CPNE9: variants seen among roughly 807,000 people sequenced by gnomAD.
CPNE9 encodes the protein copine-9.
CPNE9 carries 59 observed loss-of-function variants against 83.0 expected under a neutral mutation model. The observed-to-expected ratio is 0.71, with a 90% CI of 0.58 to 0.88. The LOEUF (loss-of-function observed/expected upper bound fraction) is 0.88. Among genes scored for constraint, CPNE9 ranks in the 40% least tolerant of loss-of-function variants. The pLI is 0.00. For synonymous variants in CPNE9, 256 were observed against 273.4 expected, an observed-to-expected ratio of 0.94 and a Z score of 0.63; for missense variants, 619 against 720.8, an observed-to-expected ratio of 0.86 and a Z score of 1.62.
rs1455423613 is a variant in CPNE9 at position 9,727,157 on chromosome 3, G to GTTA, written c.1447_1448insTTA (p.Gly483delinsValArg). 1 of 1,614,082 alleles carries GTTA rather than the reference G, an allele frequency of 6.2e-7. No individual in the cohort carries two copies. The highest frequency in any genetic ancestry group is 8.5e-7 in the Non-Finnish European group (1 of 1,180,050). The stretch of plus-strand genomic sequence containing the variant: ...TGATGATGTGCGCGTGTCCTCTAGG[G>GTTA]GACGCTACGCAGAGCGGGACATCGT... On this transcript the variant is annotated protein_altering_variant, in exon 20 of 21. Transcript: ENST00000383832.
At chr3:9,719,632 A>G (rs900056931) in intron 17 of CPNE9, among the ~76,000 whole-genome samples, 1 of 152,240 alleles carries the variant, frequency 6.6e-6, no homozygotes, top group Admixed American at 6.5e-5. Context: ...TGTCTGGCCC[A>G]TGGTACATGC....
chr3:9,715,564 T>G, intron 13 of CPNE9, 38 bp downstream of exon 13: 20 of 1,522,662 alleles, frequency 1.3e-5, no homozygotes, highest in East Asian at 2.3e-5. Context: ...CCCTGGATCC[T>G]TCCGTGTCTG....
chr3:9,708,993 A>G (rs2076592438), intron 7 of CPNE9, among the ~76,000 whole-genome samples: 1 of 146,660 alleles, frequency 6.8e-6, no homozygotes, highest in African/African-American at 2.5e-5. Flanking sequence ...AAGATGTGTG[A>G]CCAGGGGCGG....
chr3:9,704,462 G>A lies in CPNE9; in HGVS notation c.69-125G>A, dbSNP rs1482782426. 2.4e-6 allele frequency: 2 copies of A among 846,968 alleles called. No homozygotes were observed. Among genetic ancestry groups the A allele is most frequent in the African/African-American group, 1.7e-5 (1 of 60,244 alleles). The allele number at this position is 846,968 out of a possible 1,614,324, so 52.5% of individuals were successfully genotyped here. On this transcript the variant is annotated intron_variant, in intron 1 of 20. Coordinates refer to ENST00000383832, the MANE Select transcript of CPNE9 (RefSeq NM_153635.3). This position sits in a 1 kb window ranked among gnomAD's most constrained non-coding sequence, Gnocchi z 7.1. ...GCTGACAGAGCGGACCCCGGCTGGG[G>A]GTAGCCATGGGGGACAGAGGTTCGA...
intron 4 of CPNE9, 125 bp from the exon 5 acceptor site, chr3:9,705,339 G>A (rs985104659): frequency 5.4e-6 from 4 of 740,832 alleles, no homozygotes; most frequent in African/African-American, 3.5e-5. Context: ...GGAGACCAAA[G>A]CTGAATTCGG....
In CPNE9 at chr3:9,712,965, T is replaced by A. The variant is rs1329703510; in HGVS notation, c.546-10T>A. On this transcript the variant is annotated splice_polypyrimidine_tract_variant and intron_variant, in intron 9 of 20. Coordinates refer to ENST00000383832, the MANE Select transcript of CPNE9 (RefSeq NM_153635.3). ...GATAAATTATACCAATTCTTCCCAC[T>A]CCCCTCCAGGTTCACCATCTGCCAC... The A allele has an allele frequency of 1.9e-6, 3 of 1,610,764 alleles. No homozygotes were observed. The highest frequency in any genetic ancestry group is 2.7e-5 in the African/African-American group (2 of 74,800).
intron 10 of CPNE9, among the ~76,000 whole-genome samples, chr3:9,714,418 CAA>C (rs1398513624): frequency 6.6e-6 from 1 of 151,346 alleles, no homozygotes; most frequent in Non-Finnish European, 1.5e-5. Flanking sequence ...CAGTTAAGAA[CAA>C]AGTCTTTGGA....
chr3:9,723,692 C>T (rs546428336), intron 17 of CPNE9, among the ~76,000 whole-genome samples: 13 of 152,180 alleles, frequency 8.5e-5, no homozygotes, highest in Admixed American at 2.6e-4. Context: ...TATAGGCACG[C>T]GCCACCAAGC....
intron 13 of CPNE9, 120 bp from the exon 14 acceptor site, chr3:9,715,854 G>A: frequency 1.3e-6 from 1 of 785,828 alleles, no homozygotes; most frequent in East Asian, 2.7e-5. Flanking sequence ...GACTGGGGGA[G>A]CGGGTGGAAT....
Position 9,722,533 on chromosome 3 carries a change from C to T in CPNE9, c.1242-3416C>T, listed in dbSNP as rs187695693. Among the ~76,000 whole-genome samples the T allele has an allele frequency of 3.6e-3, 538 of 151,128 alleles. 3 individuals carry two copies. Among genetic ancestry groups the T allele is most frequent in the African/African-American group, 0.012 (510 of 41,112 alleles). On this transcript the variant is annotated intron_variant, in intron 17 of 20. Transcript: ENST00000383832. ...ACAGTTCTTTTTTTTTTTTAAGAGA[C>T]AGGTTCTCACTGTGTCACTCAGGCT...
At position 9,716,123 on chromosome 3, in the gene CPNE9, A is replaced by G; in HGVS notation, c.884+88A>G. On this transcript the variant is annotated intron_variant, in intron 14 of 20. Coordinates refer to ENST00000383832, the MANE Select transcript of CPNE9 (RefSeq NM_153635.3). ...CCAGGTTTCTTATTTATGAATGGTC[A>G]GGGCCCAGTGAGACCATGGAGATAA... The G allele has an allele frequency of 1.2e-5, 14 of 1,166,800 alleles. 1 individual carries two copies. In the South Asian group the frequency reaches 1.8e-4, roughly 15 times the overall value. 72.3% of individuals were successfully genotyped at this position (1,166,800 alleles called of 1,614,324 possible). A position where few individuals can be genotyped will look rare whatever the true frequency, so the allele number is the denominator to read the frequency against.
rs563839599 is a variant in CPNE9, at chr3:9,704,401, G to A, written c.69-186G>A. ...GTTCGCGTCCAGTCCGCAGAGCCAT[G>A]GTTCCTGGACAGCGATTTCCGGTGC... is the stretch of plus-strand genomic sequence containing the variant. On this transcript the variant is annotated intron_variant, in intron 1 of 20. Coordinates refer to ENST00000383832, the MANE Select transcript of CPNE9 (RefSeq NM_153635.3). The surrounding 1 kb of genome is among the most constrained non-coding windows in gnomAD (Gnocchi z 7.1). 6.6e-5 allele frequency among the ~76,000 whole-genome samples: 10 copies of A among 152,308 alleles called. No homozygotes were observed. Among genetic ancestry groups the A allele is most frequent in the African/African-American group, 2.4e-4 (10 of 41,564 alleles).
Position 9,715,930 on chromosome 3 carries a change from A to G in CPNE9, c.823-44A>G, listed in dbSNP as rs533366997. ...GGCCTCACTTCCTTCTGCCACCCCA[A>G]CTGCCTTTTCCAAAGTGCCAGGGCT... On this transcript the variant is annotated intron_variant, in intron 13 of 20. Transcript: ENST00000383832. 5.7e-6 allele frequency: 9 copies of G among 1,577,702 alleles called. No individual in the cohort carries two copies. In the African/African-American group the frequency reaches 1.1e-4, roughly 19 times the overall value.
chr3:9,727,245 T>C, intron 20 of CPNE9, 59 bp downstream of exon 20: 1 of 1,572,676 alleles, frequency 6.4e-7, no homozygotes, highest in South Asian at 1.1e-5. Context: ...GAGGCTAAGT[T>C]GGGAGCCACT....
At chr3:9,717,668 G>A (rs990010417) in intron 15 of CPNE9, among the ~76,000 whole-genome samples, 9 of 150,928 alleles carry the variant, frequency 6.0e-5, no homozygotes, top group Non-Finnish European at 1.0e-4. Flanking sequence ...GTAGACAAGT[G>A]GGTGGATGGA....
intron 17 of CPNE9, among the ~76,000 whole-genome samples, chr3:9,719,122 C>T (rs1474219237): frequency 1.3e-5 from 2 of 151,926 alleles, no homozygotes; most frequent in Non-Finnish European, 2.9e-5. Context: ...CAAGCATATG[C>T]CACCATGCCT....
intron 5 of CPNE9, 50 bp downstream of exon 5, chr3:9,705,550 G>T: frequency 6.2e-7 from 1 of 1,601,550 alleles, no homozygotes; most frequent in Non-Finnish European, 8.6e-7. Flanking sequence ...GAGGCACTTA[G>T]ATGTGTTCAA....
At chr3:9,721,138 C>T (rs1376510537) in intron 17 of CPNE9, among the ~76,000 whole-genome samples, 1 of 152,232 alleles carries the variant, frequency 6.6e-6, no homozygotes, top group East Asian at 1.9e-4. Flanking sequence ...TGAAGATTCA[C>T]AGATGAATCA....
At chr3:9,728,555 A>T (rs1408801465) in intron 20 of CPNE9, among the ~76,000 whole-genome samples, 1 of 152,150 alleles carries the variant, frequency 6.6e-6, no homozygotes, top group Non-Finnish European at 1.5e-5. Context: ...CCCGGGAGGC[A>T]GAGATTGCAG....
Sources: gnomAD v4.1 joint callset for allele counts (sites outside exome capture counted in the v4.1 genomes callset) on GRCh38, gnomAD v4.1.1 for gene constraint, Gnocchi (gnomAD v3.1) non-coding constraint, MANE v1.5 for transcripts, NCBI Gene and HGNC (gene_info 2026-07-23, HGNC 2026-07-21) for gene names.